CD226: variants seen among roughly 807,000 people sequenced by gnomAD.
CD226 encodes the protein CD226 molecule.
CD226 carries 24 observed loss-of-function variants against 34.9 expected under a neutral mutation model. The ratio of observed to expected loss-of-function variants is 0.69; its 90% CI spans 0.50 to 0.97. The LOEUF (loss-of-function observed/expected upper bound fraction) is 0.97. Ranked by LOEUF, CD226 falls within the 50% of genes least tolerant of loss-of-function variation. The pLI, the probability that CD226 is intolerant of heterozygous loss-of-function variation, is 0.00. For synonymous variants in CD226, 148 were observed against 147.4 expected (o/e 1.00, Z -0.03); for missense variants, 397 against 412.7 (o/e 0.96, Z 0.33).
At chr18:69,873,595 T>C (rs1378403192) in intron 3 of CD226, among the ~76,000 whole-genome samples, 1 of 150,942 alleles carries the variant, frequency 6.6e-6, no homozygotes, top group Non-Finnish European at 1.5e-5. Context: ...AAATAGGAAA[T>C]AGGCCAGGTG....
In CD226 at chr18:69,926,259, A is replaced by T. The variant is rs148961627; in HGVS notation, c.382+20475T>A. ...TTTCAGGATGATGGGCTGCTTTTCC[A>T]TCCTCTTACATCTCCCGCTTTGTAT... is the stretch of plus-strand genomic sequence containing the variant. On this transcript the variant is annotated intron_variant, in intron 2 of 5. Transcript: ENST00000582621. Among the ~76,000 whole-genome samples, 100 of 151,598 alleles carry T rather than the reference A, an allele frequency of 6.6e-4. 1 individual carries two copies. Among genetic ancestry groups the T allele is most frequent in the African/African-American group, 2.4e-3 (100 of 41,304 alleles).
chr18:69,941,302 T>A (rs563569966), intron 2 of CD226, among the ~76,000 whole-genome samples: 8 of 152,262 alleles, frequency 5.3e-5, no homozygotes, highest in African/African-American at 1.9e-4. Context: ...AGGGCCACCA[T>A]CCTTCAGACC....
chr18:69,929,553 C>T (rs1398010553), intron 2 of CD226, among the ~76,000 whole-genome samples: 1 of 152,160 alleles, frequency 6.6e-6, no homozygotes, highest in African/African-American at 2.4e-5. Flanking sequence ...ACATAATAAA[C>T]ATTCAACGGT....
In CD226 at chr18:69,853,627, G is replaced by T. The variant is rs539043002; in HGVS notation, c.*10687C>A. On this transcript the variant is annotated 3_prime_UTR_variant, in exon 6 of 6. Transcript: ENST00000582621. ...TTTAACAGAATTTCCCCCAAAAAATGCTTGTGAAATCTGGTGCTTTAGACT... is the reference window on the plus strand; with the variant it reads ...TTTAACAGAATTTCCCCCAAAAAATTCTTGTGAAATCTGGTGCTTTAGACT... The T allele has an allele frequency of 6.6e-6, 1 of 152,158 alleles. No individual in the cohort carries two copies. The highest frequency in any genetic ancestry group is 1.5e-5 in the Non-Finnish European group (1 of 68,034). 9.4% of individuals were successfully genotyped at this position (152,158 alleles called of 1,614,324 possible). A position where few individuals can be genotyped will look rare whatever the true frequency, so the allele number is the denominator to read the frequency against.
At chr18:69,872,312 C>G (rs962628675) in intron 4 of CD226, among the ~76,000 whole-genome samples, 3 of 152,224 alleles carry the variant, frequency 2.0e-5, no homozygotes, top group African/African-American at 7.2e-5. Flanking sequence ...AATACCTACA[C>G]AAGTGAGCTG....
upstream of CD226, among the ~76,000 whole-genome samples, chr18:69,950,912 T>A (rs1599036381): frequency 1.3e-5 from 2 of 151,594 alleles, no homozygotes; most frequent in Admixed American, 1.3e-4. Context: ...ATCCACCCCT[T>A]TCCACACGCC....
At chr18:69,890,870 T>G (rs1984854204) in intron 3 of CD226, among the ~76,000 whole-genome samples, 1 of 152,108 alleles carries the variant, frequency 6.6e-6, no homozygotes, top group African/African-American at 2.4e-5. Context: ...ATTCTAGGAA[T>G]TAATGCCAAT....
At chr18:69,946,357 T>G (rs1326368988) in intron 2 of CD226, among the ~76,000 whole-genome samples, 1 of 151,754 alleles carries the variant, frequency 6.6e-6, no homozygotes, top group African/African-American at 2.4e-5. Flanking sequence ...TTGATGTGGG[T>G]GCTGGAGTGT....
intron 3 of CD226, among the ~76,000 whole-genome samples, chr18:69,890,494 A>G (rs1301161790): frequency 2.6e-5 from 4 of 152,186 alleles, no homozygotes; most frequent in Non-Finnish European, 4.4e-5. Flanking sequence ...ATGGAAGTTA[A>G]TAAGTCACTC....
At chr18:69,874,586 T>C (rs1028952185) in intron 3 of CD226, among the ~76,000 whole-genome samples, 1 of 152,210 alleles carries the variant, frequency 6.6e-6, no homozygotes, top group South Asian at 2.1e-4. Context: ...ACCCCGGCTG[T>C]CTGGAATCCT....
chr18:69,936,127 G>A (rs1480020082), intron 2 of CD226, among the ~76,000 whole-genome samples: 1 of 152,188 alleles, frequency 6.6e-6, no homozygotes, highest in Non-Finnish European at 1.5e-5. Flanking sequence ...GCCTGTACCC[G>A]TGCCTGTACG....
intron 2 of CD226, among the ~76,000 whole-genome samples, chr18:69,915,948 T>C (rs1292510099): frequency 6.6e-6 from 1 of 152,206 alleles, no homozygotes; most frequent in Admixed American, 6.5e-5. Flanking sequence ...GTGGTAATGA[T>C]TACAGATATA....
At chr18:69,875,064 T>C (rs1359635657) in intron 3 of CD226, among the ~76,000 whole-genome samples, 2 of 152,254 alleles carry the variant, frequency 1.3e-5, no homozygotes, top group Non-Finnish European at 2.9e-5. Context: ...TTCTTCAAGA[T>C]ACTGACCTCA....
At chr18:69,887,118 A>C (rs1309033862) in intron 3 of CD226, among the ~76,000 whole-genome samples, 1 of 152,240 alleles carries the variant, frequency 6.6e-6, no homozygotes, top group Non-Finnish European at 1.5e-5. Flanking sequence ...TCAGGAAGAG[A>C]AAATAGTCAA....
intron 2 of CD226, among the ~76,000 whole-genome samples, chr18:69,927,002 C>T (rs2055529811): frequency 6.6e-6 from 1 of 151,014 alleles, no homozygotes; most frequent in South Asian, 2.1e-4. Context: ...TGGAACTAAG[C>T]TCACTGCTAT....
intron 3 of CD226, among the ~76,000 whole-genome samples, chr18:69,874,622 C>G (rs984934372): frequency 5.3e-5 from 8 of 152,214 alleles, no homozygotes; most frequent in African/African-American, 1.9e-4. Context: ...CCATGACTTT[C>G]AACCAATTCT....
At chr18:69,923,002 G>A (rs1215727428) in intron 2 of CD226, among the ~76,000 whole-genome samples, 4 of 151,862 alleles carry the variant, frequency 2.6e-5, no homozygotes, top group Non-Finnish European at 2.9e-5. Flanking sequence ...GCATGGTGGC[G>A]GGCACCTGTA....
intron 2 of CD226, among the ~76,000 whole-genome samples, chr18:69,901,442 AAG>A (rs950947779): frequency 1.9e-4 from 29 of 152,200 alleles, no homozygotes; most frequent in Non-Finnish European, 3.2e-4. Flanking sequence ...AATCAAGGGA[AAG>A]AGAGAGTGTG....
chr18:69,903,253 G>A (rs1005613928), intron 2 of CD226, among the ~76,000 whole-genome samples: 2 of 152,110 alleles, frequency 1.3e-5, no homozygotes, highest in African/African-American at 4.8e-5. Flanking sequence ...CAGTCGTGGT[G>A]GACACTGAAC....
Sources: gnomAD v4.1 joint callset for allele counts (sites outside exome capture counted in the v4.1 genomes callset) on GRCh38, gnomAD v4.1.1 for gene constraint, MANE v1.5 for transcripts, NCBI Gene and HGNC (gene_info 2026-07-23, HGNC 2026-07-21) for gene names.